Variants in SRP72 observed in about 807,000 individuals in gnomAD.
SRP72 encodes the protein signal recognition particle 72, also known as signal recognition particle subunit SRP72.
In SRP72, 49 loss-of-function variants were observed where a neutral mutation model predicts 96.3. That is an observed-to-expected ratio of 0.51 (90% CI 0.40 to 0.65). SRP72 has a LOEUF of 0.65. Ranked by LOEUF, SRP72 falls within the 30% of genes least tolerant of loss-of-function variation. The pLI, the probability that SRP72 is intolerant of heterozygous loss-of-function variation, is 0.00. For missense variants in SRP72, 736 were observed against 793.3 expected (o/e 0.93, Z 0.87); for synonymous variants, 267 against 275.2 (o/e 0.97, Z 0.30).
chr4:56,476,348 G>A (rs1457152522), intron 5 of SRP72: 1 of 324,548 alleles, frequency 3.1e-6, no homozygotes, highest in Non-Finnish European at 5.6e-6. Flanking sequence ...TTATCTCTGG[G>A]TGGTAGGATT....
chr4:56,497,319 A>G (rs1199888459), intron 17 of SRP72, among the ~76,000 whole-genome samples: 2 of 150,880 alleles, frequency 1.3e-5, no homozygotes, highest in African/African-American at 4.9e-5. Context: ...TCCCAGGTTC[A>G]TGCCATTCTC....
chr4:56,483,062 C>G, intron 8 of SRP72, 77 bp from the exon 9 acceptor site: 4 of 1,380,500 alleles, frequency 2.9e-6, no homozygotes, highest in South Asian at 1.3e-5. Context: ...CCTGCTGTAT[C>G]TATATAAAGT....
At chr4:56,494,073 G>A (rs1720997364) in intron 16 of SRP72, among the ~76,000 whole-genome samples, 1 of 152,086 alleles carries the variant, frequency 6.6e-6, no homozygotes, top group African/African-American at 2.4e-5. Flanking sequence ...GTAGGCAAAG[G>A]GTGAGCTAAG....
At chr4:56,472,390 G>C (rs973808318) in intron 3 of SRP72, among the ~76,000 whole-genome samples, 1 of 149,012 alleles carries the variant, frequency 6.7e-6, no homozygotes, top group Non-Finnish European at 1.5e-5. Flanking sequence ...CTGTTTCCCA[G>C]GCTGGAGTGC....
At chr4:56,483,063 T>C in intron 8 of SRP72, 76 bp from the exon 9 acceptor site, 3 of 1,388,984 alleles carry the variant, frequency 2.2e-6, no homozygotes, top group Non-Finnish European at 2.0e-6. Context: ...CTGCTGTATC[T>C]ATATAAAGTT....
chr4:56,487,249 A>C (rs1720744687), intron 11 of SRP72, among the ~76,000 whole-genome samples: 1 of 152,164 alleles, frequency 6.6e-6, no homozygotes, highest in Non-Finnish European at 1.5e-5. Flanking sequence ...CAGTTAGGGA[A>C]AAAATGTTTA....
chr4:56,484,604 C>G lies in SRP72; in HGVS notation c.958-132C>G, dbSNP rs527730881. 14 of 1,193,900 alleles carry G rather than the reference C, an allele frequency of 1.2e-5. No homozygotes were observed. The East Asian group carries it at 1.6e-4, about 14-fold the overall frequency. 74.0% of individuals were successfully genotyped at this position (1,193,900 alleles called of 1,614,324 possible). On this transcript the variant is annotated intron_variant, in intron 9 of 18. Coordinates refer to ENST00000642900, the MANE Select transcript of SRP72 (RefSeq NM_006947.4). ...TGAGAATAGATACTGTAAACTGATT[C>G]TCTTACCCTAGGCAGTTCTTTGGTT...
At chr4:56,485,693 G>A (rs924368125) in intron 10 of SRP72, among the ~76,000 whole-genome samples, 18 of 151,876 alleles carry the variant, frequency 1.2e-4, no homozygotes, top group Non-Finnish European at 2.5e-4. Flanking sequence ...TTCCAACTAC[G>A]TGGGAGGCTG....
Position 56,469,775 on chromosome 4 carries a change from T to G in SRP72, c.230+2T>G. On this transcript the variant is annotated splice_donor_variant, in intron 2 of 18. Coordinates refer to ENST00000642900, the MANE Select transcript of SRP72 (RefSeq NM_006947.4). LOFTEE classifies it high-confidence loss of function. ...TACTCACACCAAAGTGTTAGCCAAGTAAGTGATTCAGTTAGTTGCTTGTAC... is the reference window on the plus strand; with the variant it reads ...TACTCACACCAAAGTGTTAGCCAAGGAAGTGATTCAGTTAGTTGCTTGTAC... 1 of 1,604,280 alleles carries G rather than the reference T, an allele frequency of 6.2e-7. No homozygotes were observed. Among genetic ancestry groups the G allele is most frequent in the Non-Finnish European group, 8.5e-7 (1 of 1,172,700 alleles).
At chr4:56,479,767 C>T (rs952216840) in intron 8 of SRP72, among the ~76,000 whole-genome samples, 4 of 152,138 alleles carry the variant, frequency 2.6e-5, no homozygotes, top group East Asian at 1.9e-4. Flanking sequence ...CAGGGGTGAG[C>T]GACCACACCC....
chr4:56,497,220 ATTTATTT>A (rs1721104090), intron 17 of SRP72, among the ~76,000 whole-genome samples: 1 of 145,484 alleles, frequency 6.9e-6, no homozygotes, highest in South Asian at 2.2e-4. Flanking sequence ...TATTTTATTT[ATTTATTT>A]TTTTTTTTTT....
intron 3 of SRP72, among the ~76,000 whole-genome samples, chr4:56,472,405 G>A (rs1276848077): frequency 1.3e-5 from 2 of 148,636 alleles, no homozygotes; most frequent in East Asian, 4.0e-4. Flanking sequence ...GAGTGCAGTG[G>A]CACTATCTCG....
In SRP72 at chr4:56,503,524, C is replaced by G. The variant is rs1406329989; in HGVS notation, c.*1663C>G. The G allele has an allele frequency of 1.3e-5, 2 of 152,178 alleles. No homozygotes were observed. The highest frequency in any genetic ancestry group is 2.4e-5 in the African/African-American group (1 of 41,426). 9.4% of individuals were successfully genotyped at this position (152,178 alleles called of 1,614,324 possible). A position where few individuals can be genotyped will look rare whatever the true frequency, so the allele number is the denominator to read the frequency against. ...AATGAAGTATAAACACATGAACTTTCTAGAAATATTTCCTCTTTTGGATAG... is the reference window on the plus strand; with the variant it reads ...AATGAAGTATAAACACATGAACTTTGTAGAAATATTTCCTCTTTTGGATAG... On this transcript the variant is annotated 3_prime_UTR_variant, in exon 19 of 19. Transcript: ENST00000642900.
At chr4:56,499,117 T>A (rs2110133199) in intron 17 of SRP72, among the ~76,000 whole-genome samples, 1 of 152,138 alleles carries the variant, frequency 6.6e-6, no homozygotes. Context: ...ACACCACACA[T>A]CTACAACCAT....
intron 5 of SRP72, 138 bp from the exon 6 acceptor site, chr4:56,476,533 A>G: frequency 1.2e-6 from 1 of 824,754 alleles, no homozygotes; most frequent in Non-Finnish European, 2.0e-6. Flanking sequence ...TTTGATGCTA[A>G]TGTAAATTTC....
intron 3 of SRP72, among the ~76,000 whole-genome samples, chr4:56,473,660 G>A (rs1414191457): frequency 2.0e-5 from 3 of 151,754 alleles, no homozygotes; most frequent in Non-Finnish European, 4.4e-5. Flanking sequence ...AGCTACTCGG[G>A]AGGCTGAGGC....
intron 3 of SRP72, among the ~76,000 whole-genome samples, chr4:56,472,167 A>G (rs1720002751): frequency 6.6e-6 from 1 of 152,146 alleles, no homozygotes; most frequent in South Asian, 2.1e-4. Context: ...CTATTTCACT[A>G]ATATTTTACT....
intron 6 of SRP72, among the ~76,000 whole-genome samples, chr4:56,477,527 A>G (rs1213492144): frequency 6.6e-6 from 1 of 151,856 alleles, no homozygotes; most frequent in East Asian, 1.9e-4. Context: ...TCCAGGCCTC[A>G]AGCGACCCTC....
intron 1 of SRP72, 26 bp downstream of exon 1, chr4:56,467,770 C>A: frequency 1.8e-5 from 10 of 567,254 alleles, no homozygotes; most frequent in Non-Finnish European, 2.8e-5. Flanking sequence ...GGCACTGGGG[C>A]GGGCCCAGGC....
Sources: allele counts gnomAD v4.1 joint callset (sites outside exome capture counted in the v4.1 genomes callset), GRCh38; gene constraint gnomAD v4.1.1; transcripts MANE v1.5; gene names NCBI Gene and HGNC (gene_info 2026-07-23, HGNC 2026-07-21).